DNAH5: variants seen among roughly 807,000 people sequenced by gnomAD.
DNAH5 encodes axonemal beta dynein heavy chain 5.
A neutral mutation model predicts 518.2 loss-of-function variants in DNAH5; 372 were observed. The observed-to-expected ratio is 0.72, with a 90% CI of 0.66 to 0.78. DNAH5 has a LOEUF of 0.78. Among genes scored for constraint, DNAH5 ranks in the 30% least tolerant of loss-of-function variants. DNAH5 has a pLI of 0.00. For synonymous variants in DNAH5, 2,039 were observed against 2,025.9 expected, an observed-to-expected ratio of 1.01 and a Z score of -0.17; for missense variants, 5,523 against 5,687.0, an observed-to-expected ratio of 0.97 and a Z score of 0.93.
chr5:13,874,874 G>C (rs1770651154), intron 22 of DNAH5, among the ~76,000 whole-genome samples: 1 of 152,104 alleles, frequency 6.6e-6, no homozygotes, highest in South Asian at 2.1e-4. Flanking sequence ...CTATGGGCAT[G>C]CTAAAGGCAG....
At position 13,844,852 on chromosome 5, in the gene DNAH5, G is replaced by T; in HGVS notation, c.5256C>A (p.Val1752=). ...TTAGGCGAACCTTTTCGTGGAACTT[G>T]ACAGATTTAATGTTGTCAAACACAT... is the stretch of plus-strand genomic sequence containing the variant. ...LLNVFDNIKS[V]KFHEKIYDRI... is the part of the protein sequence containing the mutation. Residue 1752 remains valine (V), a synonymous_variant, in exon 32 of 79, where the codon GTC becomes GTA. Transcript: ENST00000265104. 6.2e-7 allele frequency: 1 copy of T among 1,614,190 alleles called. No individual in the cohort carries two copies. The highest frequency in any genetic ancestry group is 1.7e-5 in the Admixed American group (1 of 60,016).
chr5:13,924,322 A>C (rs1275656016), intron 3 of DNAH5, among the ~76,000 whole-genome samples: 1 of 152,144 alleles, frequency 6.6e-6, no homozygotes, highest in Non-Finnish European at 1.5e-5. Flanking sequence ...CAGCCACGTG[A>C]CCTTGGCAAG....
chr5:13,920,759 G>A (rs781189440), intron 5 of DNAH5, 142 bp from the exon 6 acceptor site: 13 of 822,682 alleles, frequency 1.6e-5, no homozygotes, highest in Admixed American at 6.2e-5. Context: ...CCACTCCCAC[G>A]TGCCTTTGTC....
intron 21 of DNAH5, among the ~76,000 whole-genome samples, chr5:13,880,099 CAGT>C (rs2151934456): frequency 6.6e-6 from 1 of 152,232 alleles, no homozygotes; most frequent in East Asian, 1.9e-4. Flanking sequence ...ATAAGACTAT[CAGT>C]AGATTTCTTA....
rs181782471 is a variant in DNAH5, at chr5:13,702,124, A to T, written c.13339-688T>A. Reference sequence around the variant, plus strand: ...TGAATTCACCTGTGGAACTTCCATTATGACAACTGGCATGAATATGTCATT... The same window carrying T: ...TGAATTCACCTGTGGAACTTCCATTTTGACAACTGGCATGAATATGTCATT... On this transcript the variant is annotated intron_variant, in intron 76 of 78. Transcript: ENST00000265104. 5.3e-5 allele frequency among the ~76,000 whole-genome samples: 8 copies of T among 152,326 alleles called. No individual in the cohort carries two copies. The East Asian group carries it at 1.5e-3, about 29-fold the overall frequency.
intron 55 of DNAH5, 45 bp downstream of exon 55, chr5:13,776,394 C>G (rs754775697): frequency 1.2e-6 from 2 of 1,612,040 alleles, no homozygotes; most frequent in Non-Finnish European, 1.7e-6. Context: ...GAACTAGAAT[C>G]CTTGAACACA....
rs1746230704 is a variant in DNAH5 at position 13,729,683 on chromosome 5, A to T, written c.11762-123T>A. On this transcript the variant is annotated intron_variant, in intron 68 of 78. Coordinates refer to ENST00000265104, the MANE Select transcript of DNAH5 (RefSeq NM_001369.3). The stretch of plus-strand genomic sequence containing the variant: ...TACTTTCACTTTTTTAAGCACAGAA[A>T]TATAAATCATAGTGAGAAACATGCA... 7.0e-6 allele frequency: 6 copies of T among 860,880 alleles called. No individual in the cohort carries two copies. In the Admixed American group the frequency reaches 1.7e-4, roughly 24 times the overall value. 53.3% of individuals were successfully genotyped at this position (860,880 alleles called of 1,614,324 possible).
chr5:13,691,946 C>T lies in DNAH5; in HGVS notation c.*38G>A. On this transcript the variant is annotated 3_prime_UTR_variant, in exon 79 of 79. Transcript: ENST00000265104. ...AAAGGTTACAATAATTTAGATCTTG[C>T]ATTTTCCAAAGCATTGGGTGGGGAC... 1 of 1,613,524 alleles carries T rather than the reference C, an allele frequency of 6.2e-7. No individual in the cohort carries two copies. Among genetic ancestry groups the T allele is most frequent in the Non-Finnish European group, 8.5e-7 (1 of 1,179,552 alleles).
At chr5:13,836,248 C>A (rs6885890) in intron 35 of DNAH5, among the ~76,000 whole-genome samples, 62,914 of 152,026 alleles carry the variant, frequency 0.41, 13,442 homozygotes, top group East Asian at 0.61. Flanking sequence ...TGTAAGCAAC[C>A]AACAGACATG....
At chr5:13,785,364 T>G (rs1433108787) in intron 52 of DNAH5, among the ~76,000 whole-genome samples, 1 of 152,182 alleles carries the variant, frequency 6.6e-6, no homozygotes, top group African/African-American at 2.4e-5. Flanking sequence ...CATACTGGTC[T>G]GCGGCCCCGG....
At chr5:13,976,710 T>TATATATAC (rs780402172) in intron 1 of DNAH5, among the ~76,000 whole-genome samples, 246 of 133,086 alleles carry the variant, frequency 1.8e-3, no homozygotes, top group African/African-American at 3.5e-3. Flanking sequence ...TATATATATA[T>TATATATAC]ACACACACAC....
intron 30 of DNAH5, among the ~76,000 whole-genome samples, chr5:13,857,361 G>T (rs1767775217): frequency 2.0e-5 from 3 of 152,172 alleles, no homozygotes; most frequent in Admixed American, 6.5e-5. Context: ...GGAAATAACA[G>T]AGGACACAAA....
At chr5:13,741,657 T>C (rs1748561540) in intron 65 of DNAH5, among the ~76,000 whole-genome samples, 1 of 152,150 alleles carries the variant, frequency 6.6e-6, no homozygotes, top group Non-Finnish European at 1.5e-5. Flanking sequence ...TTCAAACAAT[T>C]TTTATTGCCA....
In DNAH5 at chr5:13,919,200, C is replaced by T. The variant is rs768621532; in HGVS notation, c.951G>A (p.Ala317=). 7.4e-6 allele frequency: 12 copies of T among 1,613,854 alleles called. No homozygotes were observed. The highest frequency in any genetic ancestry group is 1.0e-5 in the Non-Finnish European group (12 of 1,179,896). The part of the protein sequence containing the change: ...PDVKAVLAVL[A]AAKSKLLKTW... ...CCTTCAGCAGTTTCGACTTGGCCGC[C>T]GCAAGCACTGCCAGCACAGCCTTCA... Residue 317 remains alanine (A), a synonymous_variant, in exon 7 of 79, where the codon GCG becomes GCA. Transcript: ENST00000265104.
rs1457311007 is a variant in DNAH5, at chr5:13,706,796, T to C, written c.13338+1327A>G. 3.9e-5 allele frequency among the ~76,000 whole-genome samples: 6 copies of C among 152,236 alleles called. No homozygotes were observed. In the East Asian group the frequency reaches 9.6e-4, roughly 24 times the overall value. On this transcript the variant is annotated intron_variant, in intron 76 of 78. Coordinates refer to ENST00000265104, the MANE Select transcript of DNAH5 (RefSeq NM_001369.3). ...ACTAACAAGTAACCAGTGAGCATGC[T>C]GTTAAATTCTTATCCTTTTATTTTG...
At chr5:13,985,430 A>AAAATATATATAT (rs1554006218) in intron 1 of DNAH5, among the ~76,000 whole-genome samples, 1 of 127,346 alleles carries the variant, frequency 7.9e-6, no homozygotes, top group Non-Finnish European at 1.7e-5. Context: ...AGTATAATAA[A>AAAATATATATAT]ATATATATAT....
chr5:13,710,866 T>G (rs193104968), intron 75 of DNAH5, among the ~76,000 whole-genome samples: 2 of 152,124 alleles, frequency 1.3e-5, no homozygotes, highest in African/African-American at 4.8e-5. Flanking sequence ...GAGATTGAAA[T>G]GGTAATTTAA....
intron 1 of DNAH5, among the ~76,000 whole-genome samples, chr5:13,976,738 C>T (rs1466205755): frequency 6.6e-6 from 1 of 150,792 alleles, no homozygotes; most frequent in Non-Finnish European, 1.5e-5. Flanking sequence ...CACACACACA[C>T]ACACACAGGA....
At chr5:13,988,023 C>T (rs140450643) in intron 1 of DNAH5, among the ~76,000 whole-genome samples, 3 of 152,228 alleles carry the variant, frequency 2.0e-5, no homozygotes, top group African/African-American at 4.8e-5. Flanking sequence ...CATGGGAAGC[C>T]GCTAGGTGGT....
Sources: allele counts gnomAD v4.1 joint callset (sites outside exome capture counted in the v4.1 genomes callset), GRCh38; gene constraint gnomAD v4.1.1; transcripts MANE v1.5; gene names NCBI Gene and HGNC (gene_info 2026-07-23, HGNC 2026-07-21).